The following CNIH3 variants were observed in gnomAD, a reference collection of about 807,000 sequenced individuals.
The protein encoded by CNIH3 is protein cornichon homolog 3.
In CNIH3, 14 loss-of-function variants were observed where a neutral mutation model predicts 24.1. The observed-to-expected ratio is 0.58, with a 90% CI of 0.38 to 0.91. The LOEUF (loss-of-function observed/expected upper bound fraction) is 0.91, where lower values mean the gene tolerates loss of function less well. CNIH3 is among the 40% of genes least tolerant of loss of function. The pLI, the probability that CNIH3 is intolerant of heterozygous loss-of-function variation, is 0.00. For synonymous variants in CNIH3, 68 were observed against 73.8 expected (o/e 0.92, Z 0.40); for missense variants, 178 against 196.8 (o/e 0.90, Z 0.57).
intron 1 of CNIH3, among the ~76,000 whole-genome samples, chr1:224,628,677 G>A (rs573216854): frequency 3.3e-5 from 5 of 152,008 alleles, no homozygotes; most frequent in East Asian, 3.9e-4. Context: ...GGCCCCCCAC[G>A]CCCAACCATC....
intron 1 of CNIH3, among the ~76,000 whole-genome samples, chr1:224,677,856 G>A (rs1002855328): frequency 8.5e-5 from 13 of 152,212 alleles, no homozygotes; most frequent in Non-Finnish European, 1.8e-4. Context: ...TTTGTGGGGG[G>A]CCTATATGTG....
chr1:224,671,285 C>T (rs115909593), intron 1 of CNIH3, among the ~76,000 whole-genome samples: 4 of 152,352 alleles, frequency 2.6e-5, no homozygotes, highest in African/African-American at 9.6e-5. Context: ...GCCTCTCCAA[C>T]CAGAGGCTCT....
At chr1:224,585,791 T>C (rs1234563813) in intron 5 of CNIH3, among the ~76,000 whole-genome samples, 2 of 152,156 alleles carry the variant, frequency 1.3e-5, no homozygotes, top group Non-Finnish European at 2.9e-5. Flanking sequence ...ACCTAGCCCA[T>C]TCATTCTTAA....
At chr1:224,450,472 G>C (rs988021657) in intron 1 of CNIH3, among the ~76,000 whole-genome samples, 1 of 152,168 alleles carries the variant, frequency 6.6e-6, no homozygotes, top group African/African-American at 2.4e-5. Context: ...CTCTCGTGAA[G>C]ATCAGGGTAA....
chr1:224,456,599 T>C (rs566101217), intron 1 of CNIH3, among the ~76,000 whole-genome samples: 1 of 152,154 alleles, frequency 6.6e-6, no homozygotes, highest in Admixed American at 6.5e-5. Context: ...TTTGTAGAGA[T>C]AGGATTGTAC....
intron 1 of CNIH3, among the ~76,000 whole-genome samples, chr1:224,629,501 C>A (rs1397919093): frequency 6.6e-6 from 1 of 152,110 alleles, no homozygotes. Context: ...TTTCTGTCGA[C>A]AGTTCCGTTG....
At chr1:224,727,889 C>T (rs1316321430) in intron 3 of CNIH3, among the ~76,000 whole-genome samples, 1 of 152,148 alleles carries the variant, frequency 6.6e-6, no homozygotes, top group Non-Finnish European at 1.5e-5. Flanking sequence ...ATAAATTCTT[C>T]AGCTTTTTTC....
intron 2 of CNIH3, among the ~76,000 whole-genome samples, chr1:224,545,438 A>G (rs1466832386): frequency 6.6e-6 from 1 of 152,154 alleles, no homozygotes; most frequent in African/African-American, 2.4e-5. Context: ...AAAAATACGT[A>G]TTTCACAACA....
At chr1:224,678,551 A>G (rs1366661225) in intron 1 of CNIH3, among the ~76,000 whole-genome samples, 2 of 152,160 alleles carry the variant, frequency 1.3e-5, no homozygotes, top group African/African-American at 2.4e-5. Context: ...TATGTAAACA[A>G]TGGTTGGAGA....
intron 1 of CNIH3, chr1:224,459,278 C>T (rs1314485317): frequency 4.4e-6 from 4 of 912,708 alleles, no homozygotes; most frequent in Non-Finnish European, 5.2e-6. Flanking sequence ...ACCCTGATGA[C>T]TTCACAGAGC....
At chr1:224,634,310 G>T (rs565722841) in intron 1 of CNIH3, among the ~76,000 whole-genome samples, 2 of 152,284 alleles carry the variant, frequency 1.3e-5, no homozygotes, top group South Asian at 4.1e-4. Context: ...GAGGCCGGGC[G>T]TGGTGGCTCA....
At chr1:224,515,412 T>C (rs7545252), upstream of CNIH3, among the ~76,000 whole-genome samples, 34,180 of 152,178 alleles carry the variant, frequency 0.22, 4,157 homozygotes, top group African/African-American at 0.32. Context: ...TCATTACTGT[T>C]GTCAGCTAAT....
chr1:224,587,156 A>G (rs1480146709), intron 5 of CNIH3: 5 of 152,268 alleles, frequency 3.3e-5, no homozygotes, highest in African/African-American at 1.2e-4. Flanking sequence ...GGGATTCACA[A>G]TTTACACAGG....
chr1:224,588,450 A>C (rs533120485), exon 6 of CNIH3: 1 of 152,326 alleles, frequency 6.6e-6, no homozygotes, highest in African/African-American at 2.4e-5. Context: ...AGGGGCTCCA[A>C]TGATGATGTC....
chr1:224,504,074 G>T (rs751627266), intron 1 of CNIH3, among the ~76,000 whole-genome samples: 3 of 152,232 alleles, frequency 2.0e-5, no homozygotes, highest in Non-Finnish European at 4.4e-5. Flanking sequence ...AATGGATACA[G>T]TACTTGCCCT....
At position 224,460,483 on chromosome 1, in the gene CNIH3, C is replaced by T. The variant is rs375260808; in HGVS notation, n.203+25621C>T. On this transcript the variant is annotated intron_variant and non_coding_transcript_variant, in intron 1 of 5. Transcript: ENST00000471578. ...TTTATATAAATGGAATCATAGAGTA[C>T]GTGCTCTTCTTTTGTCTGTCTTCTT... Among the ~76,000 whole-genome samples the T allele has an allele frequency of 5.3e-5, 8 of 152,258 alleles. No individual in the cohort carries two copies. The South Asian group carries it at 1.5e-3, about 28-fold the overall frequency.
intron 1 of CNIH3, among the ~76,000 whole-genome samples, chr1:224,636,328 A>G (rs1211491758): frequency 6.6e-6 from 1 of 152,208 alleles, no homozygotes; most frequent in Non-Finnish European, 1.5e-5. Context: ...ACCTGAAGGG[A>G]CCTAAGATCA....
At chr1:224,446,235 G>A (rs1234228382) in intron 1 of CNIH3, among the ~76,000 whole-genome samples, 3 of 97,196 alleles carry the variant, frequency 3.1e-5, no homozygotes, top group Non-Finnish European at 6.2e-5. Context: ...TTTTTTGTCA[G>A]TATTGTCTTG....
chr1:224,524,768 C>G (rs1237970774), intron 2 of CNIH3, among the ~76,000 whole-genome samples: 1 of 152,106 alleles, frequency 6.6e-6, no homozygotes. Context: ...GATAATAGCT[C>G]CCTGATTTTC....
Sources: gnomAD v4.1 joint callset for allele counts (sites outside exome capture counted in the v4.1 genomes callset) on GRCh38, gnomAD v4.1.1 for gene constraint, MANE v1.5 for transcripts, NCBI Gene and HGNC (gene_info 2026-07-23, HGNC 2026-07-21) for gene names.